The following PXDN variants were observed in gnomAD, a reference collection of about 807,000 sequenced individuals.
The protein encoded by PXDN is peroxidasin homolog.
Under a neutral mutation model 140.3 loss-of-function variants are expected in PXDN, and 77 were observed. The ratio of observed to expected loss-of-function variants is 0.55; its 90% CI spans 0.46 to 0.66. The LOEUF (loss-of-function observed/expected upper bound fraction) is 0.66. Among genes scored for constraint, PXDN ranks in the 30% least tolerant of loss-of-function variants. The pLI is 0.00. For missense variants in PXDN, 1,838 were observed against 2,039.5 expected, an observed-to-expected ratio of 0.90 and a Z score of 1.90; for synonymous variants, 911 against 857.4, an observed-to-expected ratio of 1.06 and a Z score of -1.09.
intron 5 of PXDN, 120 bp from the exon 6 acceptor site, chr2:1,683,847 T>G: frequency 1.1e-6 from 1 of 909,410 alleles, no homozygotes; most frequent in Non-Finnish European, 1.7e-6. Flanking sequence ...TTACATTTAT[T>G]TAATACAAAT....
At chr2:1,708,180 G>C (rs891685156) in intron 1 of PXDN, among the ~76,000 whole-genome samples, 11 of 152,206 alleles carry the variant, frequency 7.2e-5, no homozygotes, top group African/African-American at 2.4e-4. Flanking sequence ...GCTGGCTGTC[G>C]GCATGTGCCC....
In PXDN at chr2:1,633,441, T is replaced by C. The variant is rs1468911963; in HGVS notation, c.*763A>G. ...AGCTGAAAGCAAACCTGTTTCTAAATGTGGCTTATGAATGTTCTAATCAGG... is the reference window on the plus strand; with the variant it reads ...AGCTGAAAGCAAACCTGTTTCTAAACGTGGCTTATGAATGTTCTAATCAGG... On this transcript the variant is annotated 3_prime_UTR_variant, in exon 23 of 23. Coordinates refer to ENST00000252804, the MANE Select transcript of PXDN (RefSeq NM_012293.3). 1 of 152,092 alleles carries C rather than the reference T, an allele frequency of 6.6e-6. No homozygotes were observed. The highest frequency in any genetic ancestry group is 1.9e-4 in the East Asian group (1 of 5,164). 9.4% of individuals were successfully genotyped at this position (152,092 alleles called of 1,614,324 possible).
Position 1,665,066 on chromosome 2 carries a change from G to A in PXDN, c.1300C>T (p.Gln434Ter). The change falls in exon 11 of 23, where the codon CAG becomes TAG. Residue 434 changes from glutamine to a stop codon, truncating the protein, a stop_gained. Transcript: ENST00000252804. LOFTEE classifies it high-confidence loss of function. ...CTGTCCTGAGGCGTCACAGTGAACT[G>A]AGGAAGAGCTTCCGGAGAGAAAGCA... is the stretch of plus-strand genomic sequence containing the variant. ...TAFIIVQALP[Q>*]FTVTPQDRVV... The A allele has an allele frequency of 6.2e-7, 1 of 1,600,838 alleles. No individual in the cohort carries two copies. The highest frequency in any genetic ancestry group is 8.5e-7 in the Non-Finnish European group (1 of 1,170,760).
chr2:1,721,327 G>A (rs532670984), intron 1 of PXDN, among the ~76,000 whole-genome samples: 1 of 152,244 alleles, frequency 6.6e-6, no homozygotes, highest in Non-Finnish European at 1.5e-5. Flanking sequence ...TTTCAACAAC[G>A]GTACGGGTTA....
At chr2:1,697,211 T>C (rs534364327) in intron 1 of PXDN, among the ~76,000 whole-genome samples, 9 of 152,164 alleles carry the variant, frequency 5.9e-5, no homozygotes, top group Non-Finnish European at 1.2e-4. Context: ...GCTGAAGATA[T>C]AACGCAAATA....
chr2:1,682,213 T>C (rs992942695), intron 6 of PXDN, among the ~76,000 whole-genome samples: 6 of 152,198 alleles, frequency 3.9e-5, no homozygotes, highest in African/African-American at 1.4e-4. Flanking sequence ...CCTAAACTTG[T>C]CTTGGCTACT....
chr2:1,691,973 C>T lies in PXDN; in HGVS notation c.299G>A (p.Arg100Lys). The T allele has an allele frequency of 6.5e-7, 1 of 1,529,784 alleles. No individual in the cohort carries two copies. The highest frequency in any genetic ancestry group is 2.2e-5 in the Admixed American group (1 of 46,354). The allele number at this position is 1,529,784 out of a possible 1,614,324, so 94.8% of individuals were successfully genotyped here. A position where few individuals can be genotyped will look rare whatever the true frequency, so the allele number is the denominator to read the frequency against. ...TLLLNNNQIK[R>K]IPSGAFEDLE... ...GTCTTCAAATGCTCCACTAGGTATCCTCTTGATCTGATTATTATTGAGAAG... is the reference window on the plus strand; with the variant it reads ...GTCTTCAAATGCTCCACTAGGTATCTTCTTGATCTGATTATTATTGAGAAG... The change falls in exon 3 of 23, where the codon AGG becomes AAG. Residue 100 changes from arginine to lysine, a missense_variant. Physicochemically the swap from Arg to Lys is conservative, Grantham distance 26 (BLOSUM62 2). Transcript: ENST00000252804.
rs771941680 is a variant in PXDN at position 1,644,731 on chromosome 2, G to A, written c.3630C>T (p.Asn1210=). ...KLKRLYGSTL[N]IDLFPALVVE... is the part of the protein sequence containing the mutation. Reference sequence around the variant, plus strand: ...CCACGAGCGCCGGAAACAGGTCGATGTTGAGTGTCGAGCCATACAACCTAA... The same window carrying A: ...CCACGAGCGCCGGAAACAGGTCGATATTGAGTGTCGAGCCATACAACCTAA... Residue 1210 remains asparagine (N), a synonymous_variant, in exon 18 of 23, where the codon AAC becomes AAT. Coordinates refer to ENST00000252804, the MANE Select transcript of PXDN (RefSeq NM_012293.3). 6.3e-7 allele frequency: 1 copy of A among 1,579,930 alleles called. No individual in the cohort carries two copies. Among genetic ancestry groups the A allele is most frequent in the Non-Finnish European group, 8.6e-7 (1 of 1,158,230 alleles).
chr2:1,706,317 C>T (rs1684606157), intron 1 of PXDN, among the ~76,000 whole-genome samples: 1 of 152,212 alleles, frequency 6.6e-6, no homozygotes, highest in Non-Finnish European at 1.5e-5. Context: ...ATCAAGTCCT[C>T]CAGGGAGCAA....
intron 14 of PXDN, among the ~76,000 whole-genome samples, chr2:1,657,334 A>T (rs1683168294): frequency 7.3e-6 from 1 of 137,860 alleles, no homozygotes; most frequent in African/African-American, 2.8e-5. Flanking sequence ...ACCAGCCCCA[A>T]CCTGACTGAA....
chr2:1,663,108 AC>A (rs1386552177), intron 12 of PXDN, among the ~76,000 whole-genome samples: 1 of 152,196 alleles, frequency 6.6e-6, no homozygotes, highest in Non-Finnish European at 1.5e-5. Context: ...ATTGGAGAGA[AC>A]AGGCAAAGGC....
At chr2:1,664,859 G>T in intron 11 of PXDN, 99 bp downstream of exon 11, 1 of 1,064,120 alleles carries the variant, frequency 9.4e-7, no homozygotes, top group Non-Finnish European at 1.4e-6. Context: ...GCTCAGCCCT[G>T]TCCAGAACAC....
intron 17 of PXDN, among the ~76,000 whole-genome samples, chr2:1,645,064 G>A (rs13396448): frequency 1.2e-3 from 175 of 152,120 alleles, no homozygotes; most frequent in African/African-American, 3.9e-3. Context: ...ATAACCACAC[G>A]TAACATCATA....
In PXDN at chr2:1,637,634, C is replaced by T. The variant is rs376581931; in HGVS notation, c.4206+1212G>A. On this transcript the variant is annotated intron_variant, in intron 21 of 22. Transcript: ENST00000252804. ...ACCTGCCGCACGCTGTCCACTCTGA[C>T]AGCTGCCTGGGGACTTGCACCTGGT... Among the ~76,000 whole-genome samples, 24 of 149,106 alleles carry T rather than the reference C, an allele frequency of 1.6e-4. No homozygotes were observed. The East Asian group carries it at 2.4e-3, about 15-fold the overall frequency.
intron 1 of PXDN, among the ~76,000 whole-genome samples, chr2:1,744,043 C>T (rs935216331): frequency 3.9e-5 from 6 of 152,110 alleles, no homozygotes; most frequent in Admixed American, 2.6e-4. Context: ...CTCGGCGTCT[C>T]CCGCAGGGCG....
chr2:1,715,742 G>A (rs556315532), intron 1 of PXDN, among the ~76,000 whole-genome samples: 119 of 152,310 alleles, frequency 7.8e-4, no homozygotes, highest in Middle Eastern at 3.4e-3. Context: ...AGAGACCAGA[G>A]CGGCAGGTAA....
chr2:1,659,046 GAC>G (rs1197239653), intron 14 of PXDN, among the ~76,000 whole-genome samples: 1 of 152,224 alleles, frequency 6.6e-6, no homozygotes, highest in Non-Finnish European at 1.5e-5. Context: ...CAGCACTGAG[GAC>G]AGAGTCCAGC....
At chr2:1,704,870 G>A (rs1348374863) in intron 1 of PXDN, among the ~76,000 whole-genome samples, 1 of 152,150 alleles carries the variant, frequency 6.6e-6, no homozygotes, top group East Asian at 1.9e-4. Flanking sequence ...TTAACTTAGT[G>A]ATTTGGGGGT....
chr2:1,657,351 C>T (rs961662111), intron 14 of PXDN, among the ~76,000 whole-genome samples: 2 of 151,324 alleles, frequency 1.3e-5, no homozygotes, highest in Non-Finnish European at 2.9e-5. Context: ...TGAAACCAGC[C>T]CCAACCTGAC....
Sources: gnomAD v4.1 joint callset for allele counts (sites outside exome capture counted in the v4.1 genomes callset) on GRCh38, gnomAD v4.1.1 for gene constraint, MANE v1.5 for transcripts, NCBI Gene and HGNC (gene_info 2026-07-23, HGNC 2026-07-21) for gene names.